Variants in DLC1 observed in about 807,000 individuals in gnomAD.
DLC1 encodes the protein DLC1 Rho GTPase activating protein.
DLC1 carries 54 observed loss-of-function variants against 140.3 expected under a neutral mutation model. The ratio of observed to expected loss-of-function variants is 0.38; its 90% CI spans 0.31 to 0.48. The LOEUF (loss-of-function observed/expected upper bound fraction) is 0.48, where lower values mean the gene tolerates loss of function less well. Ranked by LOEUF, DLC1 falls within the 20% of genes least tolerant of loss-of-function variation. The pLI, the probability that DLC1 is intolerant of heterozygous loss-of-function variation, is 0.96. For synonymous variants in DLC1, 986 were observed against 728.1 expected (o/e 1.35, Z -5.70); for missense variants, 2,536 against 1,907.0 (o/e 1.33, Z -6.14).
At chr8:13,378,183 A>G (rs1836086894) in intron 4 of DLC1, among the ~76,000 whole-genome samples, 1 of 144,478 alleles carries the variant, frequency 6.9e-6, no homozygotes, top group African/African-American at 2.5e-5. Flanking sequence ...AAACCTGCAC[A>G]TTGTGCACAT....
chr8:13,511,552 A>G (rs17222010), intron 1 of DLC1, among the ~76,000 whole-genome samples: 19,984 of 152,164 alleles, frequency 0.13, 1,406 homozygotes, highest in Middle Eastern at 0.18. Flanking sequence ...GTATTTCTCT[A>G]TCACACCAAA....
intron 5 of DLC1, among the ~76,000 whole-genome samples, chr8:13,180,828 T>C (rs183187576): frequency 3.8e-4 from 58 of 152,274 alleles, no homozygotes; most frequent in African/African-American, 1.3e-3. Context: ...ATATTGAAAA[T>C]AGAGAGTTGT....
chr8:13,364,455 C>T (rs953441544), intron 4 of DLC1, among the ~76,000 whole-genome samples: 28 of 152,146 alleles, frequency 1.8e-4, no homozygotes, highest in Admixed American at 3.3e-4. Flanking sequence ...TGTGCCACCA[C>T]GCCAGGCTAA....
intron 1 of DLC1, among the ~76,000 whole-genome samples, chr8:13,591,795 G>T (rs546503504): frequency 1.3e-5 from 2 of 152,106 alleles, no homozygotes; most frequent in African/African-American, 4.8e-5. Flanking sequence ...GATCCACAGT[G>T]ATAAATAGAT....
At chr8:13,469,942 A>G (rs1488114296) in intron 2 of DLC1, among the ~76,000 whole-genome samples, 2 of 152,158 alleles carry the variant, frequency 1.3e-5, no homozygotes, top group African/African-American at 4.8e-5. Flanking sequence ...ATATTGTGGG[A>G]AAATAGCCAG....
chr8:13,292,192 G>A (rs1226542165), intron 5 of DLC1, among the ~76,000 whole-genome samples: 3 of 152,008 alleles, frequency 2.0e-5, no homozygotes, highest in African/African-American at 7.3e-5. Flanking sequence ...TATGAGTGTT[G>A]GAGTATCTCC....
At chr8:13,193,006 C>T (rs897481840) in intron 5 of DLC1, among the ~76,000 whole-genome samples, 4 of 152,174 alleles carry the variant, frequency 2.6e-5, no homozygotes, top group African/African-American at 7.2e-5. Context: ...ATGAATCTTC[C>T]TCTGCCTAAG....
intron 4 of DLC1, among the ~76,000 whole-genome samples, chr8:13,310,939 AT>A (rs1485848327): frequency 2.0e-5 from 3 of 152,332 alleles, no homozygotes; most frequent in East Asian, 3.9e-4. Context: ...TGTATCATCT[AT>A]AAATTATTTA....
intron 5 of DLC1, among the ~76,000 whole-genome samples, chr8:13,275,158 G>A (rs1197411525): frequency 6.6e-6 from 1 of 152,180 alleles, no homozygotes; most frequent in Non-Finnish European, 1.5e-5. Context: ...GCAACAGACA[G>A]AAAGATTTTC....
chr8:13,101,757 C>T (rs559097754), intron 8 of DLC1, among the ~76,000 whole-genome samples: 110 of 152,302 alleles, frequency 7.2e-4, no homozygotes, highest in Middle Eastern at 6.8e-3. Flanking sequence ...CACAAATACC[C>T]AGCCCTGACA....
intron 4 of DLC1, among the ~76,000 whole-genome samples, chr8:13,368,448 C>A (rs1364217464): frequency 1.3e-5 from 2 of 152,030 alleles, no homozygotes; most frequent in Non-Finnish European, 1.5e-5. Flanking sequence ...CTCATTTGCC[C>A]CAAGGAAATC....
chr8:13,391,769 G>A (rs1216371520), intron 4 of DLC1, among the ~76,000 whole-genome samples: 2 of 152,068 alleles, frequency 1.3e-5, no homozygotes, highest in Non-Finnish European at 2.9e-5. Context: ...TTCCAAGAGA[G>A]AAAGTGGATA....
At chr8:13,582,956 C>T (rs1345817418) in intron 1 of DLC1, among the ~76,000 whole-genome samples, 2 of 131,864 alleles carry the variant, frequency 1.5e-5, no homozygotes, top group Admixed American at 8.6e-5. Flanking sequence ...CGGTACATAC[C>T]TTAATTAAAA....
At chr8:13,583,652 G>T (rs1805198040) in intron 1 of DLC1, among the ~76,000 whole-genome samples, 1 of 152,208 alleles carries the variant, frequency 6.6e-6, no homozygotes, top group African/African-American at 2.4e-5. Flanking sequence ...TTTCATGTCA[G>T]AGGATTGACA....
chr8:13,364,703 A>G (rs1050951232), intron 4 of DLC1, among the ~76,000 whole-genome samples: 1 of 152,164 alleles, frequency 6.6e-6, no homozygotes, highest in East Asian at 1.9e-4. Context: ...TGGACTAGGA[A>G]TAGGTGATTT....
At chr8:13,188,441 A>G (rs1400288511) in intron 5 of DLC1, among the ~76,000 whole-genome samples, 4 of 142,232 alleles carry the variant, frequency 2.8e-5, no homozygotes, top group Admixed American at 7.1e-5. Flanking sequence ...AAAAAAAAAA[A>G]GAAAAGTAAT....
At chr8:13,501,568 G>C (rs1801821935) in intron 1 of DLC1, among the ~76,000 whole-genome samples, 1 of 152,120 alleles carries the variant, frequency 6.6e-6, no homozygotes, top group South Asian at 2.1e-4. Flanking sequence ...ATTGTAAAGG[G>C]CCTTGACTCC....
chr8:13,489,694 T>C (rs953419103), intron 2 of DLC1, among the ~76,000 whole-genome samples: 2 of 152,128 alleles, frequency 1.3e-5, no homozygotes, highest in Non-Finnish European at 2.9e-5. Context: ...GGCTGTTGGC[T>C]TCTTTAGTTT....
At chr8:13,310,271 T>C (rs1027794134) in intron 4 of DLC1, among the ~76,000 whole-genome samples, 3 of 152,244 alleles carry the variant, frequency 2.0e-5, no homozygotes, top group African/African-American at 7.2e-5. Context: ...CAGAAGTGTT[T>C]GGAGTACTGT....
Sources: gnomAD v4.1 joint callset for allele counts (sites outside exome capture counted in the v4.1 genomes callset) on GRCh38, gnomAD v4.1.1 for gene constraint, MANE v1.5 for transcripts, NCBI Gene and HGNC (gene_info 2026-07-23, HGNC 2026-07-21) for gene names.